The following DYNC1I1 variants were observed in gnomAD, a reference collection of about 807,000 sequenced individuals.
DYNC1I1 encodes dynein cytoplasmic 1 intermediate chain 1, also known as cytoplasmic dynein 1 intermediate chain 1.
Under a neutral mutation model 86.6 loss-of-function variants are expected in DYNC1I1, and 43 were observed. The ratio of observed to expected loss-of-function variants is 0.50; its 90% CI spans 0.39 to 0.64. The LOEUF (loss-of-function observed/expected upper bound fraction) is 0.64, where lower values mean the gene tolerates loss of function less well. Among genes scored for constraint, DYNC1I1 ranks in the 30% least tolerant of loss-of-function variants. The pLI, the probability that DYNC1I1 is intolerant of heterozygous loss-of-function variation, is 0.00. For synonymous variants in DYNC1I1, 262 were observed against 283.7 expected, an observed-to-expected ratio of 0.92 and a Z score of 0.77; for missense variants, 604 against 788.8, an observed-to-expected ratio of 0.77 and a Z score of 2.81.
chr7:95,947,872 AAAAGGCCAC>A (rs1473782949), intron 6 of DYNC1I1, among the ~76,000 whole-genome samples: 2 of 152,226 alleles, frequency 1.3e-5, no homozygotes, highest in African/African-American at 2.4e-5. Context: ...TCAAGAACAG[AAAAGGCCAC>A]TAAGTATTTT....
intron 6 of DYNC1I1, among the ~76,000 whole-genome samples, chr7:95,951,945 C>A (rs920074056): frequency 6.6e-6 from 1 of 152,098 alleles, no homozygotes; most frequent in Non-Finnish European, 1.5e-5. Flanking sequence ...TAATCTCTAT[C>A]GGAATCATGT....
At chr7:95,936,253 T>C (rs1792037259) in intron 6 of DYNC1I1, among the ~76,000 whole-genome samples, 1 of 152,028 alleles carries the variant, frequency 6.6e-6, no homozygotes, top group African/African-American at 2.4e-5. Flanking sequence ...ATGGCTGATA[T>C]GCTGGGAAGG....
chr7:95,844,629 G>T (rs1789377839), intron 5 of DYNC1I1, among the ~76,000 whole-genome samples: 1 of 151,992 alleles, frequency 6.6e-6, no homozygotes, highest in African/African-American at 2.4e-5. Context: ...CTTTTGATTG[G>T]TTGGGGGTGC....
intron 14 of DYNC1I1, among the ~76,000 whole-genome samples, chr7:96,058,800 ATTTTTT>A (rs35348142): frequency 1.8e-4 from 18 of 98,750 alleles, no homozygotes; most frequent in South Asian, 7.6e-4. Flanking sequence ...TGCCTGGCTA[ATTTTTT>A]TTTTTTTTTT....
chr7:96,103,179 C>T (rs1038712105), downstream of DYNC1I1, among the ~76,000 whole-genome samples: 2 of 152,036 alleles, frequency 1.3e-5, no homozygotes, highest in African/African-American at 4.8e-5. Flanking sequence ...AAGAGGAAAA[C>T]GTTAGAGTTT....
intron 6 of DYNC1I1, among the ~76,000 whole-genome samples, chr7:95,959,825 G>A (rs1792816497): frequency 1.3e-5 from 2 of 152,124 alleles, no homozygotes; most frequent in Admixed American, 1.3e-4. Flanking sequence ...GAAGAACAAT[G>A]CTTAACACCT....
intron 1 of DYNC1I1, among the ~76,000 whole-genome samples, chr7:95,799,861 G>T (rs1794536214): frequency 6.6e-6 from 1 of 151,806 alleles, no homozygotes; most frequent in African/African-American, 2.4e-5. Context: ...AGTGAACTTT[G>T]AGTGATGACA....
chr7:96,048,592 A>G (rs971548474), intron 14 of DYNC1I1, among the ~76,000 whole-genome samples: 3 of 152,170 alleles, frequency 2.0e-5, no homozygotes, highest in Non-Finnish European at 2.9e-5. Context: ...ATAAAGAGCC[A>G]TGCCCTAAAC....
intron 14 of DYNC1I1, among the ~76,000 whole-genome samples, chr7:96,042,503 G>A (rs1020474760): frequency 3.3e-5 from 5 of 152,046 alleles, no homozygotes; most frequent in East Asian, 1.9e-4. Flanking sequence ...TTCTAAGCGC[G>A]GAGCAGGAAA....
intron 14 of DYNC1I1, among the ~76,000 whole-genome samples, chr7:96,054,068 T>G (rs555569564): frequency 5.9e-5 from 9 of 152,304 alleles, no homozygotes; most frequent in Admixed American, 5.9e-4. Flanking sequence ...ACACGTGCCA[T>G]GGTGGTTTGC....
chr7:95,897,814 T>TTAGGGAGTG (rs1368380959), intron 6 of DYNC1I1, among the ~76,000 whole-genome samples: 1 of 151,496 alleles, frequency 6.6e-6, no homozygotes, highest in African/African-American at 2.4e-5. Context: ...TAACATGCAA[T>TTAGGGAGTG]TAGGGAGTGA....
At chr7:95,848,322 C>T (rs1789490195) in intron 5 of DYNC1I1, among the ~76,000 whole-genome samples, 1 of 150,460 alleles carries the variant, frequency 6.6e-6, no homozygotes, top group Admixed American at 6.7e-5. Flanking sequence ...TACAATAGAT[C>T]TCTTGAACTT....
chr7:96,099,739 T>C (rs1020953486), downstream of DYNC1I1, among the ~76,000 whole-genome samples: 19 of 152,106 alleles, frequency 1.2e-4, no homozygotes, highest in African/African-American at 4.3e-4. Context: ...AAGGCCCACC[T>C]CCAAAAATCA....
intron 4 of DYNC1I1, among the ~76,000 whole-genome samples, chr7:95,815,580 T>C (rs1481925094): frequency 1.3e-5 from 2 of 152,210 alleles, no homozygotes; most frequent in Admixed American, 1.3e-4. Context: ...GAGAATGTTA[T>C]ATTTCAGTTT....
intron 4 of DYNC1I1, among the ~76,000 whole-genome samples, chr7:95,826,038 C>G (rs1795195491): frequency 6.6e-6 from 1 of 152,212 alleles, no homozygotes; most frequent in African/African-American, 2.4e-5. Context: ...CATTGCTGCT[C>G]AAAGTGTGTT....
chr7:95,990,306 A>G (rs1305706003), intron 9 of DYNC1I1, among the ~76,000 whole-genome samples: 3 of 152,252 alleles, frequency 2.0e-5, no homozygotes, highest in East Asian at 3.9e-4. Context: ...CCCACCATGT[A>G]TACTCACTCC....
intron 1 of DYNC1I1, among the ~76,000 whole-genome samples, chr7:95,797,132 A>G (rs1794457853): frequency 6.6e-6 from 1 of 152,188 alleles, no homozygotes; most frequent in Non-Finnish European, 1.5e-5. Context: ...AAATGGGAAC[A>G]CGCAAAGCCT....
intron 15 of DYNC1I1, among the ~76,000 whole-genome samples, chr7:96,078,122 A>G (rs1018103437): frequency 2.6e-5 from 4 of 152,178 alleles, no homozygotes; most frequent in African/African-American, 9.6e-5. Context: ...AAAAATCTGA[A>G]TTATCAGTAG....
intron 1 of DYNC1I1, among the ~76,000 whole-genome samples, chr7:95,786,043 G>C (rs1794136582): frequency 6.6e-6 from 1 of 151,676 alleles, no homozygotes; most frequent in Non-Finnish European, 1.5e-5. Context: ...AGACTGAATT[G>C]GTTTAACATG....
Sources: allele counts gnomAD v4.1 joint callset (sites outside exome capture counted in the v4.1 genomes callset), GRCh38; gene constraint gnomAD v4.1.1; transcripts MANE v1.5; gene names NCBI Gene and HGNC (gene_info 2026-07-23, HGNC 2026-07-21).